The following DRC1 variants were observed in gnomAD, a reference collection of about 807,000 sequenced individuals.
DRC1 encodes dynein regulatory complex subunit 1.
DRC1 carries 74 observed loss-of-function variants against 98.7 expected under a neutral mutation model. The observed-to-expected ratio is 0.75, with a 90% confidence interval of 0.62 to 0.91. The LOEUF is 0.91. DRC1 is among the 40% of genes least tolerant of loss of function. The probability of loss-of-function intolerance (pLI) is 0.00; values close to 1 mark genes in which losing one functional copy is unlikely to be tolerated. For missense variants in DRC1, 875 were observed against 886.0 expected (o/e 0.99, Z 0.16); for synonymous variants, 336 against 334.1 (o/e 1.01, Z -0.06).
chr2:26,416,882 A>G (rs1040326725), intron 2 of DRC1, among the ~76,000 whole-genome samples: 3 of 152,212 alleles, frequency 2.0e-5, no homozygotes, highest in Non-Finnish European at 2.9e-5. Context: ...GCTGTACAAG[A>G]AGCATAGTGA....
intron 1 of DRC1, among the ~76,000 whole-genome samples, chr2:26,411,440 A>AT (rs1054299460): frequency 1.5e-4 from 23 of 152,210 alleles, no homozygotes; most frequent in African/African-American, 5.5e-4. Flanking sequence ...CTCATAGCGC[A>AT]TTTCAATTTG....
chr2:26,443,723 T>C (rs1663778712), intron 8 of DRC1, among the ~76,000 whole-genome samples: 1 of 152,240 alleles, frequency 6.6e-6, no homozygotes, highest in Non-Finnish European at 1.5e-5. Flanking sequence ...AATGAATGAA[T>C]GAGTTACTGG....
chr2:26,423,535 G>C (rs1013232233), intron 3 of DRC1, among the ~76,000 whole-genome samples: 1 of 152,092 alleles, frequency 6.6e-6, no homozygotes, highest in Non-Finnish European at 1.5e-5. Flanking sequence ...CCCCAGCCTC[G>C]GTGTGCTCTA....
chr2:26,429,966 C>T (rs1469695856), intron 5 of DRC1, among the ~76,000 whole-genome samples: 1 of 152,188 alleles, frequency 6.6e-6, no homozygotes, highest in African/African-American at 2.4e-5. Context: ...ATGCTGGGCA[C>T]TGTTCCAGGG....
rs1663654720 is a variant in DRC1, at chr2:26,439,350, C to G, written c.889-1028C>G. Among the ~76,000 whole-genome samples the G allele has an allele frequency of 3.3e-5, 5 of 152,304 alleles. No individual in the cohort carries two copies. In the South Asian group the frequency reaches 1.0e-3, roughly 32 times the overall value. On this transcript the variant is annotated intron_variant, in intron 7 of 16. Coordinates refer to ENST00000288710, the MANE Select transcript of DRC1 (RefSeq NM_145038.5). ...ATTGGTCCCATAACGGTCTGGCCTT[C>G]CCTCTATCTTGCTTCTTATCACTAG...
At chr2:26,405,656 T>A (rs1275145726) in intron 1 of DRC1, among the ~76,000 whole-genome samples, 1,269 of 60,158 alleles carry the variant, frequency 0.021, 25 homozygotes, top group African/African-American at 0.051. Flanking sequence ...GCTATATCTT[T>A]TTTTTTTTTT....
intron 1 of DRC1, among the ~76,000 whole-genome samples, chr2:26,405,732 C>T (rs1427054389): frequency 7.8e-6 from 1 of 128,508 alleles, no homozygotes; most frequent in Non-Finnish European, 1.5e-5. Context: ...GCAGTCTTGG[C>T]TTACTGCAAT....
intron 3 of DRC1, 126 bp from the exon 4 acceptor site, chr2:26,424,145 C>G: frequency 9.5e-7 from 1 of 1,055,146 alleles, no homozygotes; most frequent in Non-Finnish European, 1.4e-6. Context: ...TGATTTTGGG[C>G]GGGTGTGTTT....
rs746567648 is a variant in DRC1, at chr2:26,402,137, C to G, written c.148C>G (p.Arg50Gly). Reference protein sequence around the residue: ...RLRIAARLEARRREALGEYLD... With the variant: ...RLRIAARLEAGRREALGEYLD... ...CCGCATCGCTGCGCGCTTAGAAGCC[C>G]GGAGGCGGTGAGCGCGGGGGCGGGC... is the stretch of plus-strand genomic sequence containing the variant. The change falls in exon 1 of 17, where the codon CGG becomes GGG. Residue 50 changes from arginine (R) to glycine (G), a missense_variant. Physicochemically the swap from Arg to Gly is moderately radical, Grantham distance 125. Coordinates refer to ENST00000288710, the MANE Select transcript of DRC1 (RefSeq NM_145038.5). The G allele has an allele frequency of 3.1e-6, 5 of 1,604,992 alleles. No homozygotes were observed. The highest frequency in any genetic ancestry group is 4.5e-5 in the East Asian group (2 of 44,524).
chr2:26,456,623 T>C lies in DRC1; in HGVS notation c.*106T>C. 2 of 1,361,216 alleles carry C rather than the reference T, an allele frequency of 1.5e-6. No individual in the cohort carries two copies. Among genetic ancestry groups the C allele is most frequent in the Middle Eastern group, 2.0e-4 (1 of 4,916 alleles). 84.3% of individuals were successfully genotyped at this position (1,361,216 alleles called of 1,614,324 possible). On this transcript the variant is annotated 3_prime_UTR_variant, in exon 17 of 17. Transcript: ENST00000288710. ...GCCGCACCTGGGCCTGCTCTCTGGA[T>C]TTTCCAGGGCTGTCTTTATAGCCTG...
chr2:26,439,948 T>TAC lies in DRC1; in HGVS notation c.889-416_889-415dup, dbSNP rs201091945. 1.0e-4 allele frequency among the ~76,000 whole-genome samples: 13 copies of TAC among 124,864 alleles called. 1 individual carries two copies. Among genetic ancestry groups the TAC allele is most frequent in the East Asian group, 2.3e-4 (1 of 4,374 alleles). The allele number at this position is 124,864 out of a possible 152,430, so 81.9% of individuals were successfully genotyped here. ...ATATATATATATATACACACACACATACACACACACACACATATATATATA... is the reference window on the plus strand; with the variant it reads ...ATATATATATATATACACACACACATACACACACACACACACATATATATATA... On this transcript the variant is annotated intron_variant, in intron 7 of 16. Coordinates refer to ENST00000288710, the MANE Select transcript of DRC1 (RefSeq NM_145038.5).
At chr2:26,423,912 A>G (rs1274264303) in intron 3 of DRC1, among the ~76,000 whole-genome samples, 1 of 152,222 alleles carries the variant, frequency 6.6e-6, no homozygotes, top group Non-Finnish European at 1.5e-5. Flanking sequence ...CTTGAACATA[A>G]GCTCTGTGAC....
chr2:26,450,890 C>G (rs573790199), intron 13 of DRC1, among the ~76,000 whole-genome samples: 14 of 152,244 alleles, frequency 9.2e-5, no homozygotes, highest in Admixed American at 3.3e-4. Flanking sequence ...GCCCCCACCC[C>G]CCGACAGGCC....
chr2:26,422,921 T>TA (rs748957985), intron 3 of DRC1, among the ~76,000 whole-genome samples: 1,425 of 129,624 alleles, frequency 0.011, 14 homozygotes, highest in African/African-American at 0.029. Flanking sequence ...ACCTAGTCTT[T>TA]AAAAAAAAAA....
At chr2:26,425,429 A>G (rs572470105) in intron 4 of DRC1, among the ~76,000 whole-genome samples, 161 of 152,202 alleles carry the variant, frequency 1.1e-3, no homozygotes, top group Non-Finnish European at 1.9e-3. Flanking sequence ...AATTATTTGG[A>G]TGTATACTTA....
chr2:26,446,795 T>A (rs781291107), intron 10 of DRC1, among the ~76,000 whole-genome samples: 15 of 152,070 alleles, frequency 9.9e-5, no homozygotes, highest in Non-Finnish European at 1.8e-4. Flanking sequence ...ATTGCTATAT[T>A]TTAAAGTCAC....
intron 2 of DRC1, among the ~76,000 whole-genome samples, chr2:26,418,701 TATTTA>T (rs1465919323): frequency 1.8e-4 from 16 of 90,846 alleles, no homozygotes; most frequent in Non-Finnish European, 3.2e-4. Flanking sequence ...ATATAAATTA[TATTTA>T]ATTTATATAA....
chr2:26,442,896 A>C (rs1663754242), intron 8 of DRC1, among the ~76,000 whole-genome samples: 1 of 152,136 alleles, frequency 6.6e-6, no homozygotes, highest in African/African-American at 2.4e-5. Context: ...CCAGACCTTC[A>C]GTATGCACCT....
intron 8 of DRC1, among the ~76,000 whole-genome samples, chr2:26,442,305 G>C (rs937492699): frequency 3.9e-5 from 6 of 152,142 alleles, no homozygotes; most frequent in African/African-American, 1.2e-4. Context: ...AGCAACCTAT[G>C]ACCCCAGGAT....
Sources: gnomAD v4.1 joint callset for allele counts (sites outside exome capture counted in the v4.1 genomes callset) on GRCh38, gnomAD v4.1.1 for gene constraint, MANE v1.5 for transcripts, NCBI Gene and HGNC (gene_info 2026-07-23, HGNC 2026-07-21) for gene names.